The following PTPRN2 variants were observed in gnomAD, a reference collection of about 807,000 sequenced individuals.
PTPRN2 encodes the protein receptor-type tyrosine-protein phosphatase N2.
PTPRN2 carries 74 observed loss-of-function variants against 118.8 expected under a neutral mutation model. The ratio of observed to expected loss-of-function variants is 0.62; its 90% CI spans 0.52 to 0.76. The LOEUF is 0.76. PTPRN2 is among the 30% of genes least tolerant of loss of function. The probability of loss-of-function intolerance (pLI) is 0.00; values close to 1 mark genes in which losing one functional copy is unlikely to be tolerated. For missense variants in PTPRN2, 1,481 were observed against 1,394.4 expected (o/e 1.06, Z -0.99); for synonymous variants, 641 against 608.0 (o/e 1.05, Z -0.80).
Position 157,583,062 on chromosome 7 carries a change from T to A in PTPRN2, c.2497-4922A>T, listed in dbSNP as rs149687156. On this transcript the variant is annotated intron_variant, in intron 17 of 22. Coordinates refer to ENST00000389418, the MANE Select transcript of PTPRN2 (RefSeq NM_002847.5). The surrounding 1 kb of genome is among the most constrained non-coding windows in gnomAD (Gnocchi z 5.5). ...AGAACTATTCACAATAAACAAGATT[T>A]GGAACAACCCACATGTCTGTCAATG... is the stretch of plus-strand genomic sequence containing the variant. 2.1e-3 allele frequency among the ~76,000 whole-genome samples: 323 copies of A among 152,262 alleles called. 1 individual carries two copies. The highest frequency in any genetic ancestry group is 7.4e-3 in the African/African-American group (307 of 41,560).
chr7:157,557,075 T>TAC (rs149151757), intron 21 of PTPRN2, among the ~76,000 whole-genome samples: 41 of 145,012 alleles, frequency 2.8e-4, no homozygotes, highest in East Asian at 6.3e-4. Context: ...GTATCATACA[T>TAC]ACACACACAC....
At chr7:157,880,161 A>G (rs1207879203) in intron 12 of PTPRN2, among the ~76,000 whole-genome samples, 1 of 152,198 alleles carries the variant, frequency 6.6e-6, no homozygotes, top group Non-Finnish European at 1.5e-5. Context: ...TGAACATTGT[A>G]TATTAGCAGG....
At chr7:158,077,688 A>G (rs1812485359) in intron 11 of PTPRN2, among the ~76,000 whole-genome samples, 1 of 152,190 alleles carries the variant, frequency 6.6e-6, no homozygotes, top group Non-Finnish European at 1.5e-5. Context: ...ATTCCTGGCA[A>G]TAAGCTCATA....
intron 2 of PTPRN2, among the ~76,000 whole-genome samples, chr7:158,486,292 A>C (rs1365457213): frequency 1.3e-5 from 2 of 152,238 alleles, no homozygotes; most frequent in Non-Finnish European, 2.9e-5. Flanking sequence ...TTCCCGACAT[A>C]AGCGTGATCT....
rs116689315 is a variant in PTPRN2, at chr7:157,707,567, A to T, written c.1789-24630T>A. On this transcript the variant is annotated intron_variant, in intron 12 of 22. Coordinates refer to ENST00000389418, the MANE Select transcript of PTPRN2 (RefSeq NM_002847.5). ...CGGCAGGTATTACAGGCAGAGGCAG[A>T]TTTCTTTTTCCTTTTTTTTTCTTTT... 4.3e-3 allele frequency among the ~76,000 whole-genome samples: 654 copies of T among 150,940 alleles called. 3 individuals are homozygous for T. Among genetic ancestry groups the T allele is most frequent in the African/African-American group, 0.015 (618 of 40,962 alleles).
At chr7:158,054,176 G>A (rs184340565) in intron 11 of PTPRN2, among the ~76,000 whole-genome samples, 80 of 152,286 alleles carry the variant, frequency 5.3e-4, no homozygotes, top group Admixed American at 3.2e-3. Flanking sequence ...CACAGGTTTC[G>A]GCTAAAAGTT....
chr7:158,441,339 ATCAGTGATGGTG>A, intron 2 of PTPRN2, among the ~76,000 whole-genome samples: 1 of 128,834 alleles, frequency 7.8e-6, no homozygotes, highest in African/African-American at 3.1e-5. Flanking sequence ...GGTGATGGTG[ATCAGTGATGGTG>A]GTGATGGTGA....
chr7:158,477,124 G>A (rs377700372), intron 2 of PTPRN2, among the ~76,000 whole-genome samples: 5 of 152,190 alleles, frequency 3.3e-5, no homozygotes, highest in African/African-American at 7.2e-5. Context: ...GGAGTGATGC[G>A]GTCTCGTGTC....
At chr7:157,641,145 G>A (rs1306184124) in intron 14 of PTPRN2, among the ~76,000 whole-genome samples, 1 of 152,204 alleles carries the variant, frequency 6.6e-6, no homozygotes, top group Non-Finnish European at 1.5e-5. Flanking sequence ...GTTTATTTGT[G>A]AGGAGGGCAG....
chr7:158,284,658 C>A (rs874599), intron 3 of PTPRN2, among the ~76,000 whole-genome samples: 1 of 151,928 alleles, frequency 6.6e-6, no homozygotes, highest in Non-Finnish European at 1.5e-5. Context: ...GTACGGACTC[C>A]GCTTATTCCT....
intron 2 of PTPRN2, among the ~76,000 whole-genome samples, chr7:158,417,586 C>T (rs1296613518): frequency 1.3e-5 from 2 of 150,858 alleles, no homozygotes; most frequent in Non-Finnish European, 2.9e-5. Flanking sequence ...TGATGTCCTA[C>T]ATCGAGATGC....
intron 2 of PTPRN2, among the ~76,000 whole-genome samples, chr7:158,432,114 C>A (rs892955322): frequency 2.6e-5 from 4 of 152,228 alleles, no homozygotes; most frequent in African/African-American, 9.6e-5. Flanking sequence ...CACGGGATGC[C>A]TTGTCCAGGG....
intron 14 of PTPRN2, among the ~76,000 whole-genome samples, chr7:157,630,698 C>T (rs1254720801): frequency 6.6e-6 from 1 of 152,230 alleles, no homozygotes; most frequent in Admixed American, 6.5e-5. Flanking sequence ...GGAGTTTGCT[C>T]GGGAGAAGCA....
At chr7:157,802,777 T>G (rs1805396634) in intron 12 of PTPRN2, among the ~76,000 whole-genome samples, 1 of 152,206 alleles carries the variant, frequency 6.6e-6, no homozygotes, top group Non-Finnish European at 1.5e-5. Flanking sequence ...CAGAGACGTA[T>G]CTCATCGTGG....
intron 14 of PTPRN2, among the ~76,000 whole-genome samples, chr7:157,648,740 C>T (rs1374989763): frequency 2.1e-5 from 3 of 146,170 alleles, no homozygotes; most frequent in Admixed American, 6.9e-5. Flanking sequence ...TGGGTCGGAC[C>T]CATCCAGTGT....
intron 21 of PTPRN2, among the ~76,000 whole-genome samples, chr7:157,566,427 G>A (rs1044683942): frequency 1.3e-5 from 2 of 152,190 alleles, no homozygotes; most frequent in Admixed American, 6.5e-5. Context: ...AAACCCCAGC[G>A]CCTCTCAGTG....
At chr7:158,370,914 T>TA (rs1272757455) in intron 2 of PTPRN2, among the ~76,000 whole-genome samples, 1 of 152,218 alleles carries the variant, frequency 6.6e-6, no homozygotes, top group Non-Finnish European at 1.5e-5. Flanking sequence ...TAACAATTTT[T>TA]AAAACACCCT....
intron 1 of PTPRN2, among the ~76,000 whole-genome samples, chr7:158,578,169 A>G (rs1563452351): frequency 6.6e-6 from 1 of 152,218 alleles, no homozygotes; most frequent in Non-Finnish European, 1.5e-5. Context: ...ACATAATAAA[A>G]CATTTTAAAA....
At chr7:157,689,482 G>C (rs1462432007) in intron 12 of PTPRN2, among the ~76,000 whole-genome samples, 1 of 152,232 alleles carries the variant, frequency 6.6e-6, no homozygotes, top group Admixed American at 6.5e-5. Context: ...GCAGCGCCCA[G>C]CTCAGCGCAC....
Sources: gnomAD v4.1 joint callset for allele counts (sites outside exome capture counted in the v4.1 genomes callset) on GRCh38, gnomAD v4.1.1 for gene constraint, Gnocchi (gnomAD v3.1) non-coding constraint, MANE v1.5 for transcripts, NCBI Gene and HGNC (gene_info 2026-07-23, HGNC 2026-07-21) for gene names.